RARB: variants seen among roughly 807,000 people sequenced by gnomAD.
RARB encodes retinoic acid receptor beta, also known as HBV-activated protein.
A neutral mutation model predicts 51.9 loss-of-function variants in RARB; 17 were observed. The ratio of observed to expected loss-of-function variants is 0.33; its 90% CI spans 0.22 to 0.49. The LOEUF (loss-of-function observed/expected upper bound fraction) is 0.49. RARB is among the 20% of genes least tolerant of loss of function. The pLI is 0.99. For synonymous variants in RARB, 215 were observed against 195.4 expected (o/e 1.10, Z -0.84); for missense variants, 369 against 550.8 (o/e 0.67, Z 3.30).
At chr3:25,394,716 C>CTAGTCCTTCT (rs1206718232) in intron 5 of RARB, among the ~76,000 whole-genome samples, 2 of 152,118 alleles carry the variant, frequency 1.3e-5, no homozygotes, top group African/African-American at 4.8e-5. Context: ...ATAAGAAAAG[C>CTAGTCCTTCT]TAGTCCTTCT....
At chr3:25,543,287 A>G (rs1020712992) in intron 3 of RARB, among the ~76,000 whole-genome samples, 71 of 152,184 alleles carry the variant, frequency 4.7e-4, no homozygotes, top group Middle Eastern at 6.3e-3. Flanking sequence ...CACTGTGAGT[A>G]GGAGCTGGCT....
At chr3:25,235,265 AGAGG>A (rs764405381) in intron 5 of RARB, among the ~76,000 whole-genome samples, 23 of 152,238 alleles carry the variant, frequency 1.5e-4, no homozygotes, top group Admixed American at 3.3e-4. Flanking sequence ...TGTAGTAAGT[AGAGG>A]GAGTGGTTTC....
chr3:25,461,138 A>C, intron 1 of RARB, 55 bp from the exon 2 acceptor site: 1 of 1,492,796 alleles, frequency 6.7e-7, no homozygotes, highest in Non-Finnish European at 8.9e-7. Flanking sequence ...TGAAAAAAGT[A>C]ATGAACTAAA....
At chr3:25,068,074 C>T (rs1698697562) in intron 3 of RARB, among the ~76,000 whole-genome samples, 3 of 122,762 alleles carry the variant, frequency 2.4e-5, no homozygotes, top group South Asian at 2.8e-4. Context: ...GTGGAGGTTG[C>T]AGTGAGACGA....
At chr3:25,247,226 A>G (rs566900012) in intron 5 of RARB, among the ~76,000 whole-genome samples, 3 of 152,346 alleles carry the variant, frequency 2.0e-5, no homozygotes, top group South Asian at 4.1e-4. Context: ...GCAGCAAGAT[A>G]TTCAAGCCAG....
intron 2 of RARB, among the ~76,000 whole-genome samples, chr3:24,993,085 C>A (rs1350840904): frequency 6.6e-6 from 1 of 152,060 alleles, no homozygotes; most frequent in Non-Finnish European, 1.5e-5. Flanking sequence ...TTAGCCAACT[C>A]CATGGATATT....
intron 4 of RARB, among the ~76,000 whole-genome samples, chr3:25,136,508 T>C (rs1384612178): frequency 6.6e-6 from 1 of 152,020 alleles, no homozygotes; most frequent in Non-Finnish European, 1.5e-5. Context: ...TGCTAGAGTG[T>C]TTTGTTTTAT....
At chr3:25,374,090 G>A (rs1363559434) in intron 5 of RARB, among the ~76,000 whole-genome samples, 1 of 152,136 alleles carries the variant, frequency 6.6e-6, no homozygotes, top group Non-Finnish European at 1.5e-5. Context: ...AACCTCCAGA[G>A]GCCCAAGAGT....
chr3:25,008,974 A>T (rs1045442638), intron 2 of RARB, among the ~76,000 whole-genome samples: 5 of 152,142 alleles, frequency 3.3e-5, no homozygotes, highest in African/African-American at 1.2e-4. Flanking sequence ...ATTTTTCAAG[A>T]TCTGAGTGCT....
intron 5 of RARB, among the ~76,000 whole-genome samples, chr3:25,250,124 C>G (rs999784187): frequency 1.3e-5 from 2 of 152,098 alleles, no homozygotes; most frequent in African/African-American, 2.4e-5. Context: ...GATCAGTACT[C>G]AGGCCTGCAG....
intron 3 of RARB, among the ~76,000 whole-genome samples, chr3:25,511,459 C>G (rs904945971): frequency 3.3e-5 from 5 of 152,082 alleles, no homozygotes; most frequent in Non-Finnish European, 5.9e-5. Flanking sequence ...CCCTACCTTT[C>G]TATTTATGGC....
intron 3 of RARB, among the ~76,000 whole-genome samples, chr3:25,541,245 C>T (rs1255824466): frequency 6.6e-6 from 1 of 152,172 alleles, no homozygotes; most frequent in African/African-American, 2.4e-5. Flanking sequence ...CCCTGAATCC[C>T]TCCTCATCCT....
At chr3:24,955,047 T>A (rs1273525248) in intron 2 of RARB, among the ~76,000 whole-genome samples, 1 of 152,214 alleles carries the variant, frequency 6.6e-6, no homozygotes, top group Non-Finnish European at 1.5e-5. Flanking sequence ...CCTGCCCTCT[T>A]GGTACCCAGG....
At chr3:25,183,803 C>A (rs1559496220) in intron 5 of RARB, among the ~76,000 whole-genome samples, 1 of 152,138 alleles carries the variant, frequency 6.6e-6, no homozygotes, top group Admixed American at 6.6e-5. Flanking sequence ...CTGTCCATCC[C>A]TAGCATCTCT....
At chr3:25,119,695 G>C (rs538037483) in intron 3 of RARB, among the ~76,000 whole-genome samples, 1 of 151,472 alleles carries the variant, frequency 6.6e-6, no homozygotes, top group Non-Finnish European at 1.5e-5. Context: ...CACTGCTCTT[G>C]TGTCAATACT....
chr3:24,931,847 G>A (rs1695446723), intron 2 of RARB, among the ~76,000 whole-genome samples: 1 of 152,102 alleles, frequency 6.6e-6, no homozygotes. Flanking sequence ...ATGAGAGTTA[G>A]GTAGTTATTT....
intron 3 of RARB, among the ~76,000 whole-genome samples, chr3:25,125,658 C>G (rs1213470760): frequency 6.6e-6 from 1 of 152,104 alleles, no homozygotes; most frequent in African/African-American, 2.4e-5. Flanking sequence ...TAATCAGAAG[C>G]ATTTTAAGGA....
intron 5 of RARB, among the ~76,000 whole-genome samples, chr3:25,338,748 C>T (rs552498670): frequency 4.6e-5 from 7 of 152,266 alleles, no homozygotes; most frequent in African/African-American, 1.4e-4. Context: ...GAAAGGCTGA[C>T]ATTCATCAGT....
chr3:25,051,075 TGATATGCCATGTTTAACACAA>T (rs1290731910), intron 2 of RARB, among the ~76,000 whole-genome samples: 1 of 152,182 alleles, frequency 6.6e-6, no homozygotes, highest in African/African-American at 2.4e-5. Flanking sequence ...TGTGTATCTT[TGATATGCCATGTTTAACACAA>T]GTAGAATAGG....
Sources: allele counts gnomAD v4.1 joint callset (sites outside exome capture counted in the v4.1 genomes callset), GRCh38; gene constraint gnomAD v4.1.1; transcripts MANE v1.5; gene names NCBI Gene and HGNC (gene_info 2026-07-23, HGNC 2026-07-21).